PIK3AP1: variants seen among roughly 807,000 people sequenced by gnomAD.
The protein encoded by PIK3AP1 is phosphoinositide 3-kinase adapter protein 1.
A neutral mutation model predicts 88.1 loss-of-function variants in PIK3AP1; 21 were observed. The observed-to-expected ratio is 0.24, with a 90% CI of 0.17 to 0.34. PIK3AP1 has a LOEUF of 0.34. Ranked by LOEUF, PIK3AP1 falls within the 10% of genes least tolerant of loss-of-function variation. PIK3AP1 has a pLI of 1.00. For synonymous variants in PIK3AP1, 398 were observed against 400.0 expected (o/e 1.00, Z 0.06); for missense variants, 828 against 1,035.7 (o/e 0.80, Z 2.75).
chr10:96,627,064 C>T lies in PIK3AP1; in HGVS notation c.1472-159G>A, dbSNP rs544728422. 1.7e-3 allele frequency among the ~76,000 whole-genome samples: 255 copies of T among 152,374 alleles called. 1 individual carries two copies. Among genetic ancestry groups the T allele is most frequent in the Non-Finnish European group, 3.1e-3 (211 of 68,040 alleles). ...CTTCCTGTATCGTCTGCTCAGAACACCACACAAAGCAACTGAGAAAACACT... is the reference window on the plus strand; with the variant it reads ...CTTCCTGTATCGTCTGCTCAGAACATCACACAAAGCAACTGAGAAAACACT... On this transcript the variant is annotated intron_variant, in intron 9 of 16. Transcript: ENST00000339364.
intron 13 of PIK3AP1, among the ~76,000 whole-genome samples, chr10:96,611,554 C>T (rs530356634): frequency 0.04 from 6,027 of 152,256 alleles, 148 homozygotes; most frequent in African/African-American, 0.064. Flanking sequence ...ACTTCAACCT[C>T]TGCCTCCTGG....
At chr10:96,710,598 G>C (rs1762536163) in intron 1 of PIK3AP1, among the ~76,000 whole-genome samples, 1 of 152,064 alleles carries the variant, frequency 6.6e-6, no homozygotes, top group Non-Finnish European at 1.5e-5. Flanking sequence ...GAAGCAGTAT[G>C]AGATCATAAC....
At chr10:96,686,225 CGGA>C (rs1844066321) in intron 2 of PIK3AP1, among the ~76,000 whole-genome samples, 1 of 152,178 alleles carries the variant, frequency 6.6e-6, no homozygotes, top group Admixed American at 6.5e-5. Flanking sequence ...GCTGCTTCAG[CGGA>C]GAACTAACTA....
At chr10:96,639,523 A>T (rs1424120002) in intron 8 of PIK3AP1, among the ~76,000 whole-genome samples, 1 of 152,190 alleles carries the variant, frequency 6.6e-6, no homozygotes, top group Non-Finnish European at 1.5e-5. Context: ...TTTATCTTTA[A>T]ATGTTAAAAC....
intron 11 of PIK3AP1, chr10:96,621,710 G>C (rs1030279451): frequency 6.6e-6 from 1 of 152,254 alleles, no homozygotes; most frequent in Non-Finnish European, 1.5e-5. Flanking sequence ...TCCACCATTT[G>C]GTGTTTTCTT....
intron 6 of PIK3AP1, 123 bp downstream of exon 6, chr10:96,651,125 G>A (rs1333234900): frequency 4.0e-5 from 51 of 1,282,804 alleles, no homozygotes; most frequent in Non-Finnish European, 5.4e-5. Flanking sequence ...TCACAGGATA[G>A]GTTATAGAGA....
At chr10:96,615,628 T>C (rs1849202586) in intron 13 of PIK3AP1, among the ~76,000 whole-genome samples, 1 of 152,238 alleles carries the variant, frequency 6.6e-6, no homozygotes, top group South Asian at 2.1e-4. Flanking sequence ...GTCCCACATA[T>C]ACTTGAATGA....
chr10:96,648,885 C>A (rs1282886055), intron 6 of PIK3AP1, 30 bp from the exon 7 acceptor site: 4 of 1,518,674 alleles, frequency 2.6e-6, no homozygotes, highest in Non-Finnish European at 3.5e-6. Flanking sequence ...ACTTAATAGG[C>A]AGATAAAAAT....
chr10:96,597,609 T>A (rs1290528231), intron 16 of PIK3AP1, among the ~76,000 whole-genome samples: 3 of 152,130 alleles, frequency 2.0e-5, no homozygotes, highest in Non-Finnish European at 4.4e-5. Context: ...TCTCTGTGTG[T>A]GCAAGTTCAA....
intron 2 of PIK3AP1, among the ~76,000 whole-genome samples, chr10:96,704,296 G>A (rs527656009): frequency 1.1e-3 from 165 of 152,280 alleles, no homozygotes; most frequent in African/African-American, 3.9e-3. Flanking sequence ...GGAGATTAGA[G>A]AAAATACTTC....
intron 16 of PIK3AP1, among the ~76,000 whole-genome samples, chr10:96,601,043 A>G (rs1400493162): frequency 1.3e-5 from 2 of 150,006 alleles, no homozygotes; most frequent in African/African-American, 4.9e-5. Context: ...TCTAATGCTC[A>G]TCTCCAAATC....
chr10:96,640,796 C>A (rs1843374114), intron 8 of PIK3AP1, among the ~76,000 whole-genome samples: 1 of 151,630 alleles, frequency 6.6e-6, no homozygotes, highest in Admixed American at 6.6e-5. Flanking sequence ...TAGCTGGGAC[C>A]ACAGGCATGT....
chr10:96,617,128 C>T (rs1275005325), intron 12 of PIK3AP1, among the ~76,000 whole-genome samples: 1 of 152,202 alleles, frequency 6.6e-6, no homozygotes, highest in Non-Finnish European at 1.5e-5. Flanking sequence ...GAAGCCTCCC[C>T]AGATATGCCA....
At chr10:96,699,889 G>C (rs1356470499) in intron 2 of PIK3AP1, among the ~76,000 whole-genome samples, 1 of 152,102 alleles carries the variant, frequency 6.6e-6, no homozygotes, top group Non-Finnish European at 1.5e-5. Context: ...TCGATAAAAG[G>C]GTTTTGAAAG....
At chr10:96,711,456 A>G (rs1844435787) in intron 1 of PIK3AP1, among the ~76,000 whole-genome samples, 1 of 152,242 alleles carries the variant, frequency 6.6e-6, no homozygotes, top group African/African-American at 2.4e-5. Flanking sequence ...ACAACACAAC[A>G]GGGAACTCAG....
intron 2 of PIK3AP1, among the ~76,000 whole-genome samples, chr10:96,706,792 A>T (rs966929019): frequency 6.6e-6 from 1 of 152,204 alleles, no homozygotes. Context: ...AGCAAAAAAA[A>T]TCAGGAATAT....
In PIK3AP1 at chr10:96,630,395, A is replaced by G. The variant is rs551156074; in HGVS notation, c.1376-1902T>C. 2.6e-5 allele frequency among the ~76,000 whole-genome samples: 4 copies of G among 152,340 alleles called. No individual in the cohort carries two copies. The South Asian group carries it at 8.3e-4, about 32-fold the overall frequency. On this transcript the variant is annotated intron_variant, in intron 8 of 16. Coordinates refer to ENST00000339364, the MANE Select transcript of PIK3AP1 (RefSeq NM_152309.3). The stretch of plus-strand genomic sequence containing the variant: ...TACTAATCCTGAAGCATACCTAGAG[A>G]TGCATTCATTATTTTAAACATATTC...
chr10:96,671,230 A>T (rs1843841762), intron 2 of PIK3AP1, among the ~76,000 whole-genome samples: 1 of 152,216 alleles, frequency 6.6e-6, no homozygotes, highest in Non-Finnish European at 1.5e-5. Context: ...GCTCTACTGA[A>T]AATATTTGTG....
chr10:96,616,587 A>C, intron 13 of PIK3AP1, 52 bp downstream of exon 13: 1 of 1,587,110 alleles, frequency 6.3e-7, no homozygotes, highest in Non-Finnish European at 8.7e-7. Flanking sequence ...AGTCAAGGAC[A>C]ACAGATGACA....
Sources: allele counts gnomAD v4.1 joint callset (sites outside exome capture counted in the v4.1 genomes callset), GRCh38; gene constraint gnomAD v4.1.1; transcripts MANE v1.5; gene names NCBI Gene and HGNC (gene_info 2026-07-23, HGNC 2026-07-21).